The following APLF variants were observed in gnomAD, a reference collection of about 807,000 sequenced individuals.
APLF encodes the protein aprataxin and PNKP like factor.
Under a neutral mutation model 55.6 loss-of-function variants are expected in APLF, and 61 were observed. The observed-to-expected ratio is 1.10, with a 90% CI of 0.89 to 1.36. The LOEUF is 1.36. APLF is among the 40% of genes most tolerant of loss of function. The probability of loss-of-function intolerance (pLI) is 0.00; values close to 1 mark genes in which losing one functional copy is unlikely to be tolerated. For missense variants in APLF, 611 were observed against 602.5 expected (o/e 1.01, Z -0.15); for synonymous variants, 207 against 214.8 (o/e 0.96, Z 0.32).
At chr2:68,546,875 A>C (rs1340997706) in intron 8 of APLF, among the ~76,000 whole-genome samples, 1 of 151,872 alleles carries the variant, frequency 6.6e-6, no homozygotes, top group East Asian at 1.9e-4. Context: ...ACTTCAGTTC[A>C]TCATTATGTG....
intron 3 of APLF, among the ~76,000 whole-genome samples, chr2:68,511,768 A>G (rs1044006382): frequency 4.7e-4 from 72 of 151,834 alleles, no homozygotes; most frequent in Middle Eastern, 3.4e-3. Flanking sequence ...GACATTTCCA[A>G]GATATGTCTC....
chr2:68,470,647 TCTA>T (rs1334055246), intron 1 of APLF, among the ~76,000 whole-genome samples: 1 of 152,202 alleles, frequency 6.6e-6, no homozygotes, highest in Non-Finnish European at 1.5e-5. Flanking sequence ...TTAAATGAAA[TCTA>T]CTATTTCTGA....
In APLF at chr2:68,518,946, A is replaced by G. The variant is rs1300133951; in HGVS notation, c.622+5266A>G. Among the ~76,000 whole-genome samples the G allele has an allele frequency of 1.5e-4, 19 of 123,850 alleles. No individual in the cohort carries two copies. The Admixed American group carries it at 1.7e-3, about 11-fold the overall frequency. The allele number at this position is 123,850 out of a possible 152,430, so 81.3% of individuals were successfully genotyped here. A position where few individuals can be genotyped will look rare whatever the true frequency, so the allele number is the denominator to read the frequency against. ...TATCATTAATATTAATATATTATAT[A>G]ATATTATTAATAATACATAATAATA... On this transcript the variant is annotated intron_variant, in intron 5 of 9. Coordinates refer to ENST00000303795, the MANE Select transcript of APLF (RefSeq NM_173545.3).
At chr2:68,495,852 A>G (rs928116938) in intron 2 of APLF, among the ~76,000 whole-genome samples, 4 of 152,198 alleles carry the variant, frequency 2.6e-5, no homozygotes, top group African/African-American at 9.6e-5. Flanking sequence ...TATGGCTTGC[A>G]TCCTCCAAAA....
At chr2:68,489,941 T>C (rs779544876) in intron 1 of APLF, among the ~76,000 whole-genome samples, 2 of 152,176 alleles carry the variant, frequency 1.3e-5, no homozygotes, top group African/African-American at 2.4e-5. Flanking sequence ...ATGCAAGGTT[T>C]TGGGATCCGT....
At chr2:68,518,135 A>G (rs1409592470) in intron 5 of APLF, among the ~76,000 whole-genome samples, 1 of 127,406 alleles carries the variant, frequency 7.8e-6, no homozygotes, top group Non-Finnish European at 1.6e-5. Flanking sequence ...ATATATATTA[A>G]TATATAATAA....
chr2:68,568,379 G>A (rs2104070631), intron 9 of APLF: 1 of 874,222 alleles, frequency 1.1e-6, no homozygotes, highest in Non-Finnish European at 1.4e-6. Flanking sequence ...TGATTTCACT[G>A]TAAGGGAATT....
rs1671688195 is a variant in APLF, at chr2:68,578,695, C to A, written c.*673C>A. ...ATGTTTGAATTTAAAAGTAAAAAAACTCAAAAAACTTGACCTTTTTTTTCA... is the reference window on the plus strand; with the variant it reads ...ATGTTTGAATTTAAAAGTAAAAAAAATCAAAAAACTTGACCTTTTTTTTCA... On this transcript the variant is annotated 3_prime_UTR_variant, in exon 10 of 10. Coordinates refer to ENST00000303795, the MANE Select transcript of APLF (RefSeq NM_173545.3). 2.0e-6 allele frequency: 2 copies of A among 985,218 alleles called. No homozygotes were observed. Among genetic ancestry groups the A allele is most frequent in the South Asian group, 4.7e-5 (1 of 21,290 alleles). 61.0% of individuals were successfully genotyped at this position (985,218 alleles called of 1,614,324 possible).
At chr2:68,518,809 TA>T (rs1669772784) in intron 5 of APLF, among the ~76,000 whole-genome samples, 1 of 107,288 alleles carries the variant, frequency 9.3e-6, no homozygotes, top group Admixed American at 1.1e-4. Context: ...ATCTATCATA[TA>T]ATAAAATATT....
intron 8 of APLF, chr2:68,563,461 AG>A: frequency 1.4e-6 from 1 of 698,444 alleles, no homozygotes; most frequent in Non-Finnish European, 1.8e-6. Flanking sequence ...AATGTTTTCC[AG>A]GATAATAGAG....
intron 1 of APLF, among the ~76,000 whole-genome samples, chr2:68,481,679 T>C (rs1429157794): frequency 6.6e-6 from 1 of 152,198 alleles, no homozygotes; most frequent in African/African-American, 2.4e-5. Flanking sequence ...TCAGCTATTA[T>C]TTCATTAAAT....
intron 1 of APLF, among the ~76,000 whole-genome samples, chr2:68,480,035 A>G (rs1029621944): frequency 6.6e-6 from 1 of 152,202 alleles, no homozygotes; most frequent in Admixed American, 6.5e-5. Flanking sequence ...TACATATAAC[A>G]TGCAAAATAT....
chr2:68,521,592 C>G (rs975017356), intron 5 of APLF, among the ~76,000 whole-genome samples: 2 of 151,858 alleles, frequency 1.3e-5, no homozygotes, highest in South Asian at 4.1e-4. Context: ...CTCCAGTTAT[C>G]TCTGTTCTTT....
intron 3 of APLF, among the ~76,000 whole-genome samples, chr2:68,509,023 G>C (rs954418058): frequency 3.3e-5 from 5 of 152,046 alleles, no homozygotes; most frequent in Admixed American, 1.3e-4. Flanking sequence ...GCCATATGTA[G>C]AAAGCTGAAA....
chr2:68,526,183 C>G lies in APLF; in HGVS notation c.745C>G (p.Gln249Glu). The part of the protein sequence containing the change: ...SGSSENTSAE[Q>E]DTGEECKNTD... Reference sequence around the variant, plus strand: ...AAGTTCAGAAAATACATCAGCAGAACAAGACACAGGAGAAGAGTGCAAAAA... The same window carrying G: ...AAGTTCAGAAAATACATCAGCAGAAGAAGACACAGGAGAAGAGTGCAAAAA... The change falls in exon 6 of 10, where the codon CAA becomes GAA. Residue 249 changes from glutamine to glutamate, a missense_variant. Coordinates refer to ENST00000303795, the MANE Select transcript of APLF (RefSeq NM_173545.3). 1.2e-6 allele frequency: 2 copies of G among 1,613,960 alleles called. No homozygotes were observed. Among genetic ancestry groups the G allele is most frequent in the South Asian group, 2.2e-5 (2 of 91,070 alleles).
At chr2:68,474,891 C>T (rs1356179650) in intron 1 of APLF, among the ~76,000 whole-genome samples, 1 of 152,198 alleles carries the variant, frequency 6.6e-6, no homozygotes, top group African/African-American at 2.4e-5. Context: ...TGGTCTCGAA[C>T]TCCTGACCTT....
At chr2:68,490,774 G>A (rs1030434835) in intron 2 of APLF, among the ~76,000 whole-genome samples, 4 of 152,118 alleles carry the variant, frequency 2.6e-5, no homozygotes, top group South Asian at 4.1e-4. Context: ...TTACTGCTGC[G>A]AAATCACTGA....
At chr2:68,497,391 A>T (rs1053983079) in intron 2 of APLF, among the ~76,000 whole-genome samples, 2 of 151,950 alleles carry the variant, frequency 1.3e-5, no homozygotes, top group African/African-American at 4.8e-5. Context: ...TGCTGTTCTC[A>T]TGATAGTGAG....
At chr2:68,481,193 T>C (rs1389983704) in intron 1 of APLF, among the ~76,000 whole-genome samples, 1 of 152,196 alleles carries the variant, frequency 6.6e-6, no homozygotes, top group Non-Finnish European at 1.5e-5. Flanking sequence ...GAATTGGTAT[T>C]AGTCTTTTTT....
Sources: allele counts gnomAD v4.1 joint callset (sites outside exome capture counted in the v4.1 genomes callset), GRCh38; gene constraint gnomAD v4.1.1; transcripts MANE v1.5; gene names NCBI Gene and HGNC (gene_info 2026-07-23, HGNC 2026-07-21).